PLEKHG4B: variants seen among roughly 807,000 people sequenced by gnomAD.
PLEKHG4B encodes pleckstrin homology and RhoGEF domain containing G4B, also known as pleckstrin homology domain-containing family G member 4B.
In PLEKHG4B, 111 loss-of-function variants were observed where a neutral mutation model predicts 121.3. The ratio of observed to expected loss-of-function variants is 0.92; its 90% CI spans 0.78 to 1.07. The LOEUF is 1.07. Among genes scored for constraint, PLEKHG4B ranks in the 50% least tolerant of loss-of-function variants. PLEKHG4B has a pLI of 0.00. For synonymous variants in PLEKHG4B, 738 were observed against 725.0 expected (o/e 1.02, Z -0.29); for missense variants, 1,831 against 1,757.8 (o/e 1.04, Z -0.74).
rs189699392 is a variant in PLEKHG4B, at chr5:167,980, G to A, written c.3477-1360G>A. ...TGATCACAGCACTGCAGTTTTGCAC[G>A]GGAGGTACCGTCTGGCCAAGCTGAC... On this transcript the variant is annotated intron_variant, in intron 13 of 19. Coordinates refer to ENST00000637938, the MANE Select transcript of PLEKHG4B (RefSeq NM_052909.5). Among the ~76,000 whole-genome samples, 33 of 152,280 alleles carry A rather than the reference G, an allele frequency of 2.2e-4. No homozygotes were observed. In the East Asian group the frequency reaches 3.5e-3, roughly 16 times the overall value.
intron 2 of PLEKHG4B, among the ~76,000 whole-genome samples, chr5:124,936 C>T (rs1380747823): frequency 9.8e-6 from 1 of 102,154 alleles, no homozygotes; most frequent in African/African-American, 6.1e-5. Context: ...GAGTTTGAGA[C>T]AGCCTGGCCA....
intron 1 of PLEKHG4B, among the ~76,000 whole-genome samples, chr5:96,894 A>G (rs1733644501): frequency 6.6e-6 from 1 of 152,234 alleles, no homozygotes. Flanking sequence ...TCCACAAGGT[A>G]CTAGGACTAA....
At chr5:135,724 T>A (rs1734965312) in intron 2 of PLEKHG4B, among the ~76,000 whole-genome samples, 1 of 116,282 alleles carries the variant, frequency 8.6e-6, no homozygotes, top group African/African-American at 3.5e-5. Flanking sequence ...TATATATATA[T>A]ATATGTATGT....
chr5:94,016 C>T (rs1380907472), intron 1 of PLEKHG4B, among the ~76,000 whole-genome samples: 1 of 152,180 alleles, frequency 6.6e-6, no homozygotes, highest in Non-Finnish European at 1.5e-5. Context: ...AAAAGTCAGG[C>T]CATCTAGAGC....
At chr5:135,688 T>TAC (rs1734958406) in intron 2 of PLEKHG4B, among the ~76,000 whole-genome samples, 1 of 39,306 alleles carries the variant, frequency 2.5e-5, no homozygotes, top group Non-Finnish European at 4.6e-5. Flanking sequence ...AAAAAATATA[T>TAC]ATATATATAT....
At chr5:107,302 T>G (rs1734004898) in intron 1 of PLEKHG4B, among the ~76,000 whole-genome samples, 1 of 152,172 alleles carries the variant, frequency 6.6e-6, no homozygotes, top group Non-Finnish European at 1.5e-5. Flanking sequence ...ACCCCATGCT[T>G]GGCCCTTCTG....
intron 1 of PLEKHG4B, among the ~76,000 whole-genome samples, chr5:102,453 G>T (rs1202697231): frequency 6.6e-6 from 1 of 152,146 alleles, no homozygotes; most frequent in Non-Finnish European, 1.5e-5. Flanking sequence ...ATAAAAGCAA[G>T]ATATTTTGGT....
intron 17 of PLEKHG4B, 108 bp downstream of exon 17, chr5:173,175 C>T (rs1736628495): frequency 5.5e-6 from 6 of 1,093,470 alleles, no homozygotes; most frequent in Admixed American, 2.2e-5. Flanking sequence ...GGGAGTGAAG[C>T]GGGGAGGAGC....
chr5:163,158 G>A lies in PLEKHG4B; in HGVS notation c.3086G>A (p.Gly1029Glu). ...CAGGACGGGGAGACCCTGCGCCCAG[G>A]GCTGTGTGCTCTGTGGGACCCACTG... ...CGQDGETLRP[G>E]LCALWDPLSL... Residue 1029 changes from glycine (G) to glutamate (E), a missense_variant, in exon 13 of 20, where the codon GGG becomes GAG. Gly to Glu is a moderately conservative substitution (Grantham distance 98). Coordinates refer to ENST00000637938, the MANE Select transcript of PLEKHG4B (RefSeq NM_052909.5). 2 of 1,562,450 alleles carry A rather than the reference G, an allele frequency of 1.3e-6. No individual in the cohort carries two copies. Among genetic ancestry groups the A allele is most frequent in the Non-Finnish European group, 1.7e-6 (2 of 1,155,104 alleles).
At position 173,929 on chromosome 5, in the gene PLEKHG4B, C is replaced by G. The variant is rs992417601; in HGVS notation, c.4233C>G (p.Ile1411Met). 5.6e-6 allele frequency: 9 copies of G among 1,613,176 alleles called. No individual in the cohort carries two copies. Among genetic ancestry groups the G allele is most frequent in the Non-Finnish European group, 6.8e-6 (8 of 1,179,792 alleles). The stretch of plus-strand genomic sequence containing the variant: ...TTTGCTGACTGCAGACGGCCGAGAT[C>G]GGGATGACAGAGAACGTCGGGGACA... ...LYKQSFKTAEIGMTENVGDSG... is the reference protein window; with the variant it reads ...LYKQSFKTAEMGMTENVGDSG... The change falls in exon 18 of 20, where the codon ATC (isoleucine) becomes ATG (methionine). Residue 1411 changes from isoleucine to methionine, a missense_variant. Coordinates refer to ENST00000637938, the MANE Select transcript of PLEKHG4B (RefSeq NM_052909.5).
intron 2 of PLEKHG4B, among the ~76,000 whole-genome samples, chr5:124,871 C>T (rs1205076865): frequency 6.6e-6 from 1 of 152,164 alleles, no homozygotes; most frequent in Non-Finnish European, 1.5e-5. Context: ...TGGTGGCTCA[C>T]ACCTGTAATC....
chr5:143,340 A>G (rs755379132), intron 4 of PLEKHG4B, 40 bp from the exon 5 acceptor site: 1 of 1,608,430 alleles, frequency 6.2e-7, no homozygotes, highest in South Asian at 1.1e-5. Flanking sequence ...ACCTTGTAGG[A>G]GTGAAGCCCT....
rs73732944 is a variant in PLEKHG4B, at chr5:173,726, C to G, written c.4222-192C>G. ...CACGGACAGCTATCCTGCACACAGG[C>G]ACTCTCCCTGGCACGGTCACAAGCA... On this transcript the variant is annotated intron_variant, in intron 17 of 19. Coordinates refer to ENST00000637938, the MANE Select transcript of PLEKHG4B (RefSeq NM_052909.5). Among the ~76,000 whole-genome samples, 1,351 of 152,168 alleles carry G rather than the reference C, an allele frequency of 8.9e-3. 24 individuals carry two copies. Among genetic ancestry groups the G allele is most frequent in the African/African-American group, 0.031 (1,286 of 41,498 alleles).
rs1425814931 is a variant in PLEKHG4B at position 169,413 on chromosome 5, A to T, written c.3550A>T (p.Ile1184Phe). 2 of 1,614,048 alleles carry T rather than the reference A, an allele frequency of 1.2e-6. No homozygotes were observed. The highest frequency in any genetic ancestry group is 2.7e-5 in the African/African-American group (2 of 74,932). ...GTACATTCGGTGCTTAGGATACGTC[A>T]TTGACAACTATTTTCCAGAAATGGA... ...REYIRCLGYVIDNYFPEMERM... is the reference protein window; with the variant it reads ...REYIRCLGYVFDNYFPEMERM... The change falls in exon 14 of 20, where the codon ATT (isoleucine) becomes TTT (phenylalanine). Residue 1184 changes from isoleucine (I) to phenylalanine (F), a missense_variant. Physicochemically the swap from Ile to Phe is conservative, Grantham distance 21 (BLOSUM62 0). Transcript: ENST00000637938.
intron 18 of PLEKHG4B, among the ~76,000 whole-genome samples, chr5:181,169 G>T (rs1736919312): frequency 6.6e-6 from 1 of 152,146 alleles, no homozygotes; most frequent in Non-Finnish European, 1.5e-5. Flanking sequence ...CGGCTCCCAG[G>T]CCTCTGACCC....
intron 2 of PLEKHG4B, among the ~76,000 whole-genome samples, chr5:132,389 A>G (rs1734805577): frequency 6.6e-6 from 1 of 152,176 alleles, no homozygotes; most frequent in Non-Finnish European, 1.5e-5. Flanking sequence ...GAAGCTTTTT[A>G]CTTTAATAAA....
intron 1 of PLEKHG4B, among the ~76,000 whole-genome samples, chr5:98,856 T>TTTTTTTTC (rs1553979039): frequency 7.2e-6 from 1 of 138,640 alleles, no homozygotes; most frequent in African/African-American, 2.7e-5. Context: ...TTTTTTTTTT[T>TTTTTTTTC]CAAAAAAAAT....
chr5:116,138 G>A (rs1043773299), intron 2 of PLEKHG4B, among the ~76,000 whole-genome samples: 1 of 152,160 alleles, frequency 6.6e-6, no homozygotes, highest in Non-Finnish European at 1.5e-5. Flanking sequence ...AGATGCCATT[G>A]CAGGGTTGTT....
chr5:155,126 C>A, intron 8 of PLEKHG4B, 135 bp downstream of exon 8: 1 of 894,202 alleles, frequency 1.1e-6, no homozygotes, highest in East Asian at 2.5e-5. Context: ...TTCAGGTCTT[C>A]GTGTCTACAC....
Sources: gnomAD v4.1 joint callset for allele counts (sites outside exome capture counted in the v4.1 genomes callset) on GRCh38, gnomAD v4.1.1 for gene constraint, MANE v1.5 for transcripts, NCBI Gene and HGNC (gene_info 2026-07-23, HGNC 2026-07-21) for gene names.